The following ITPRID1 variants were observed in gnomAD, a reference collection of about 807,000 sequenced individuals.
ITPRID1 encodes the protein protein ITPRID1.
A neutral mutation model predicts 95.4 loss-of-function variants in ITPRID1; 96 were observed. The observed-to-expected ratio is 1.01, with a 90% CI of 0.85 to 1.19. The LOEUF (loss-of-function observed/expected upper bound fraction) is 1.19, where lower values mean the gene tolerates loss of function less well. Ranked by LOEUF, ITPRID1 falls within the 50% of genes most tolerant of loss-of-function variation. The pLI is 0.00. For missense variants in ITPRID1, 1,339 were observed against 1,252.9 expected, an observed-to-expected ratio of 1.07 and a Z score of -1.04; for synonymous variants, 510 against 453.6, an observed-to-expected ratio of 1.12 and a Z score of -1.58.
In ITPRID1 at chr7:31,578,301, A is replaced by G. The variant is rs1394164362; in HGVS notation, c.1037A>G (p.Gln346Arg). The G allele has an allele frequency of 6.2e-7, 1 of 1,613,924 alleles. No individual in the cohort carries two copies. The highest frequency in any genetic ancestry group is 1.7e-5 in the Admixed American group (1 of 59,998). ...CCTTGCTCATCTATGCCGGCCAAGC[A>G]GGCTCCTCCTTCCTGTGTGTCTGAG... ...QWPCSSMPAK[Q>R]APPSCVSEGS... The change falls in exon 9 of 15, where the codon CAG (glutamine) becomes CGG (arginine). Residue 346 changes from glutamine to arginine, a missense_variant. Physicochemically the swap from Gln to Arg is conservative, Grantham distance 43 (BLOSUM62 1). Coordinates refer to ENST00000615280, the MANE Select transcript of ITPRID1 (RefSeq NM_001257967.3).
chr7:31,631,863 T>A (rs929050087), intron 10 of ITPRID1, among the ~76,000 whole-genome samples: 1 of 152,206 alleles, frequency 6.6e-6, no homozygotes, highest in African/African-American at 2.4e-5. Context: ...TTTCAATAAC[T>A]ACTACTATTT....
At chr7:31,633,587 T>C (rs969810956) in intron 10 of ITPRID1, among the ~76,000 whole-genome samples, 3 of 152,210 alleles carry the variant, frequency 2.0e-5, no homozygotes, top group African/African-American at 4.8e-5. Flanking sequence ...CTACCGCCCA[T>C]TGTCCTGAAG....
chr7:31,650,703 A>G (rs928760762), intron 12 of ITPRID1, among the ~76,000 whole-genome samples: 3 of 152,240 alleles, frequency 2.0e-5, no homozygotes, highest in Non-Finnish European at 4.4e-5. Flanking sequence ...TCTTTAATCA[A>G]ACACATACCA....
In ITPRID1 at chr7:31,519,620, C is replaced by CTCTCTCCATATATA; in HGVS notation, c.-98+5501_-98+5502insCTCTCCATATATAT. On this transcript the variant is annotated intron_variant, in intron 1 of 14. Transcript: ENST00000615280. ...TCTCTCTCTCTCTCTCTCTCTCTCT[C>CTCTCTCCATATATA]TATATATATATATATATATATATAT... is the stretch of plus-strand genomic sequence containing the variant. Among the ~76,000 whole-genome samples, 4 of 25,270 alleles carry CTCTCTCCATATATA rather than the reference C, an allele frequency of 1.6e-4. 1 individual carries two copies. The highest frequency in any genetic ancestry group is 7.3e-5 in the Non-Finnish European group (1 of 13,726). 16.6% of individuals were successfully genotyped at this position (25,270 alleles called of 152,430 possible).
At chr7:31,616,053 A>T (rs1042213094) in intron 10 of ITPRID1, among the ~76,000 whole-genome samples, 3 of 152,068 alleles carry the variant, frequency 2.0e-5, no homozygotes, top group African/African-American at 7.2e-5. Flanking sequence ...GAGTTTACTG[A>T]GAATTCTAAT....
At chr7:31,616,318 G>C (rs928795999) in intron 10 of ITPRID1, among the ~76,000 whole-genome samples, 38 of 152,114 alleles carry the variant, frequency 2.5e-4, no homozygotes, top group African/African-American at 8.2e-4. Context: ...TCAGGGTCTA[G>C]TAGTGAATAT....
intron 10 of ITPRID1, among the ~76,000 whole-genome samples, chr7:31,605,840 G>A (rs1786597844): frequency 1.3e-5 from 2 of 152,182 alleles, no homozygotes; most frequent in Admixed American, 6.5e-5. Flanking sequence ...TGCCAGAGCA[G>A]CTGAGATTTT....
At position 31,599,662 on chromosome 7, in the gene ITPRID1, T is replaced by TTCTTTCTCTCTC. The variant is rs1369270186; in HGVS notation, c.1228+16474_1228+16475insTTCTCTCTCTCT. Among the ~76,000 whole-genome samples, 16 of 31,414 alleles carry TTCTTTCTCTCTC rather than the reference T, an allele frequency of 5.1e-4. 1 individual carries two copies. Among genetic ancestry groups the TTCTTTCTCTCTC allele is most frequent in the African/African-American group, 1.0e-3 (14 of 13,432 alleles). 20.6% of individuals were successfully genotyped at this position (31,414 alleles called of 152,430 possible). A position where few individuals can be genotyped will look rare whatever the true frequency, so the allele number is the denominator to read the frequency against. On this transcript the variant is annotated intron_variant, in intron 10 of 14. Transcript: ENST00000615280. ...CTTTCTTTCTTTTTCTTTCTTTCCT[T>TTCTTTCTCTCTC]TCTCTCTCTCTCTCTCTCTCTCTCT...
chr7:31,643,637 A>C lies in ITPRID1; in HGVS notation c.2267A>C (p.Gln756Pro), dbSNP rs141868591. The C allele has an allele frequency of 6.2e-7, 1 of 1,614,070 alleles. No individual in the cohort carries two copies. The highest frequency in any genetic ancestry group is 8.5e-7 in the Non-Finnish European group (1 of 1,179,910). Residue 756 changes from glutamine (Q) to proline (P), a missense_variant, in exon 12 of 15, where the codon CAG becomes CCG. Coordinates refer to ENST00000615280, the MANE Select transcript of ITPRID1 (RefSeq NM_001257967.3). Reference protein sequence around the residue: ...TETRLGTKARQLNDASIQTSA... With the variant: ...TETRLGTKARPLNDASIQTSA... The stretch of plus-strand genomic sequence containing the variant: ...ACAAGACTGGGGACAAAAGCAAGAC[A>C]GTTAAATGATGCTTCCATTCAGACT...
intron 10 of ITPRID1, among the ~76,000 whole-genome samples, chr7:31,613,337 AG>A (rs1786967257): frequency 6.6e-6 from 1 of 152,062 alleles, no homozygotes; most frequent in Non-Finnish European, 1.5e-5. Context: ...GTTAATTTCT[AG>A]GGTTTTGAAA....
chr7:31,528,068 A>T (rs2128129206), intron 1 of ITPRID1, among the ~76,000 whole-genome samples: 1 of 152,302 alleles, frequency 6.6e-6, no homozygotes, highest in African/African-American at 2.4e-5. Context: ...TTCTGAATTA[A>T]CTATGCCTCT....
chr7:31,657,054 C>A (rs1029826), downstream of ITPRID1, among the ~76,000 whole-genome samples: 1 of 136,826 alleles, frequency 7.3e-6, no homozygotes, highest in Non-Finnish European at 1.5e-5. Flanking sequence ...CACACACACA[C>A]GCACTATATA....
At chr7:31,628,724 G>A (rs1788719444) in intron 10 of ITPRID1, among the ~76,000 whole-genome samples, 1 of 152,094 alleles carries the variant, frequency 6.6e-6, no homozygotes, top group East Asian at 1.9e-4. Context: ...CGAAAGTGCT[G>A]GGATTACAGG....
intron 1 of ITPRID1, among the ~76,000 whole-genome samples, chr7:31,528,350 T>C (rs1421222189): frequency 6.6e-6 from 1 of 152,156 alleles, no homozygotes; most frequent in Admixed American, 6.6e-5. Context: ...TAAAATAAGG[T>C]CATCATTTTG....
chr7:31,624,552 G>C (rs900150033), intron 10 of ITPRID1, among the ~76,000 whole-genome samples: 2 of 132,508 alleles, frequency 1.5e-5, no homozygotes, highest in African/African-American at 5.6e-5. Context: ...ATGGTGCTGG[G>C]AAAACTGGCT....
At chr7:31,632,573 T>C (rs1329402233) in intron 10 of ITPRID1, among the ~76,000 whole-genome samples, 1 of 152,242 alleles carries the variant, frequency 6.6e-6, no homozygotes, top group African/African-American at 2.4e-5. Flanking sequence ...CATTTATTTA[T>C]TGATTTCAAA....
At chr7:31,604,412 T>C (rs956495562) in intron 10 of ITPRID1, among the ~76,000 whole-genome samples, 2 of 152,232 alleles carry the variant, frequency 1.3e-5, no homozygotes, top group Admixed American at 6.5e-5. Context: ...TTTATTTCTC[T>C]AGCAAAAAAT....
At chr7:31,519,610 CTCTCTCTCTCTATA>C (rs1246947860) in intron 1 of ITPRID1, among the ~76,000 whole-genome samples, 3 of 51,342 alleles carry the variant, frequency 5.8e-5, no homozygotes, top group South Asian at 9.8e-4. Context: ...CTCTCTCTCT[CTCTCTCTCTCTATA>C]TATATATATA....
intron 5 of ITPRID1, among the ~76,000 whole-genome samples, chr7:31,558,941 C>T (rs143340735): frequency 1.5e-3 from 225 of 152,198 alleles, no homozygotes; most frequent in Middle Eastern, 6.8e-3. Context: ...TAATTCAAAG[C>T]AAAATTACTA....
Sources: gnomAD v4.1 joint callset for allele counts (sites outside exome capture counted in the v4.1 genomes callset) on GRCh38, gnomAD v4.1.1 for gene constraint, MANE v1.5 for transcripts, NCBI Gene and HGNC (gene_info 2026-07-23, HGNC 2026-07-21) for gene names.